The following EFTUD2 variants were observed in gnomAD, a reference collection of about 807,000 sequenced individuals.
EFTUD2 encodes 116 kDa U5 small nuclear ribonucleoprotein component.
In EFTUD2, 9 loss-of-function variants were observed where a neutral mutation model predicts 114.3. The ratio of observed to expected loss-of-function variants is 0.08; its 90% CI spans 0.05 to 0.14. EFTUD2 has a LOEUF of 0.14. Among genes scored for constraint, EFTUD2 ranks in the 10% least tolerant of loss-of-function variants. The pLI is 1.00. For synonymous variants in EFTUD2, 449 were observed against 462.3 expected (o/e 0.97, Z 0.37); for missense variants, 765 against 1,241.2 (o/e 0.62, Z 5.76).
At chr17:44,884,263 T>G (rs2051124871) in intron 4 of EFTUD2, 1 of 151,770 alleles carries the variant, frequency 6.6e-6, no homozygotes, top group Admixed American at 6.6e-5. Context: ...CCTCAGGTGA[T>G]CCACCTGCCC....
At chr17:44,894,175 A>G in intron 2 of EFTUD2, 1 of 422,332 alleles carries the variant, frequency 2.4e-6, no homozygotes, top group South Asian at 2.8e-5. Flanking sequence ...CAGGAGTTCA[A>G]GACCAGCCTG....
intron 1 of EFTUD2, 92 bp from the exon 2 acceptor site, chr17:44,894,617 G>T: frequency 1.1e-6 from 1 of 929,850 alleles, no homozygotes; most frequent in Non-Finnish European, 1.7e-6. Flanking sequence ...TCTTATGGTT[G>T]GCCATACCCC....
At chr17:44,853,173 C>T in intron 25 of EFTUD2, 123 bp downstream of exon 25, 1 of 999,124 alleles carries the variant, frequency 1.0e-6, no homozygotes, top group East Asian at 2.4e-5. Flanking sequence ...GGAAAATCAG[C>T]TCTCGGGGTT....
At chr17:44,863,584 A>T in intron 15 of EFTUD2, 71 bp downstream of exon 15, 1 of 1,562,720 alleles carries the variant, frequency 6.4e-7, no homozygotes, top group Non-Finnish European at 8.7e-7. Flanking sequence ...TACTCCTGTG[A>T]CCAGAAATCA....
chr17:44,854,137 G>T lies in EFTUD2; in HGVS notation c.2347+132C>A. On this transcript the variant is annotated intron_variant, in intron 23 of 27. Coordinates refer to ENST00000426333, the MANE Select transcript of EFTUD2 (RefSeq NM_004247.4). The surrounding 1 kb of genome is among the most constrained non-coding windows in gnomAD (Gnocchi z 4.3). ...AAGGAAAAGGGAAGAAGCTGGCCCA[G>T]GACTTGGGATGGTCCTGTGTACCCC... 7.1e-7 allele frequency: 1 copy of T among 1,413,684 alleles called. No individual in the cohort carries two copies. Among genetic ancestry groups the T allele is most frequent in the Non-Finnish European group, 9.4e-7 (1 of 1,059,374 alleles). The allele number at this position is 1,413,684 out of a possible 1,614,324, so 87.6% of individuals were successfully genotyped here.
At chr17:44,881,587 G>C in intron 7 of EFTUD2, 100 bp downstream of exon 7, 2 of 1,245,556 alleles carry the variant, frequency 1.6e-6, no homozygotes, top group South Asian at 2.4e-5. Context: ...AGTAGGATAT[G>C]AACTAAAATG....
intron 11 of EFTUD2, among the ~76,000 whole-genome samples, chr17:44,870,896 T>C (rs113417212): frequency 4.6e-5 from 7 of 152,044 alleles, no homozygotes; most frequent in Admixed American, 4.6e-4. Flanking sequence ...CATGTACCTG[T>C]AATCCCAGCT....
chr17:44,872,663 T>TC, intron 10 of EFTUD2, 93 bp from the exon 11 acceptor site: 1 of 1,442,230 alleles, frequency 6.9e-7, no homozygotes, highest in Non-Finnish European at 9.2e-7. Flanking sequence ...TCACAGCCAC[T>TC]CTCCAGCCCT....
At chr17:44,868,013 G>A (rs1048921126) in intron 12 of EFTUD2, 116 bp from the exon 13 acceptor site, 6 of 1,060,276 alleles carry the variant, frequency 5.7e-6, no homozygotes, top group South Asian at 1.7e-5. Flanking sequence ...ATGTGTGTGT[G>A]ACTGTAAAGT....
chr17:44,860,183 T>C, intron 17 of EFTUD2, 138 bp from the exon 18 acceptor site: 1 of 1,228,856 alleles, frequency 8.1e-7, no homozygotes, highest in African/African-American at 1.5e-5. Flanking sequence ...TGAGTGGGGG[T>C]AACCTGAAGG....
intron 13 of EFTUD2, among the ~76,000 whole-genome samples, chr17:44,866,790 T>TC (rs2050753433): frequency 6.6e-6 from 1 of 152,188 alleles, no homozygotes; most frequent in Non-Finnish European, 1.5e-5. Flanking sequence ...TCCAGTTTTT[T>TC]CCCTTTTCCT....
At chr17:44,851,649 G>C (rs1415342930) in intron 27 of EFTUD2, 61 bp downstream of exon 27, 1 of 1,441,174 alleles carries the variant, frequency 6.9e-7, no homozygotes, top group South Asian at 1.3e-5. Context: ...AAGAGAGAGA[G>C]ATCCTGCTTC....
chr17:44,880,735 T>C (rs2051058828), intron 7 of EFTUD2, 91 bp from the exon 8 acceptor site: 5 of 918,060 alleles, frequency 5.4e-6, no homozygotes, highest in Non-Finnish European at 7.0e-6. Context: ...TAAATTACAC[T>C]GATGCCTCTC....
In EFTUD2 at chr17:44,851,700, G is replaced by A. The variant is rs1330698627; in HGVS notation, c.2823+10C>T. The A allele has an allele frequency of 6.3e-7, 1 of 1,583,758 alleles. No homozygotes were observed. Among genetic ancestry groups the A allele is most frequent in the East Asian group, 2.3e-5 (1 of 44,300 alleles). ...GTTGAGGGATGGCAACAGGCCCAAG[G>A]GAGACATACCTTCCTACGGCGGGTT... On this transcript the variant is annotated intron_variant, in intron 27 of 27. Transcript: ENST00000426333.
At position 44,886,746 on chromosome 17, in the gene EFTUD2, T is replaced by G; in HGVS notation, c.110A>C (p.Asp37Ala). Residue 37 changes from aspartate (D) to alanine (A), a missense_variant, in exon 3 of 28, where the codon GAT (aspartate) becomes GCT (alanine). Coordinates refer to ENST00000426333, the MANE Select transcript of EFTUD2 (RefSeq NM_004247.4). The stretch of plus-strand genomic sequence containing the variant: ...TACGTCATCGTCGTCGTCATCATCA[T>G]CCATCTGAAAGCAAGAGGGAGAGGG... ...GRETKDLDEM[D>A]DDDDDDDVGD... The G allele has an allele frequency of 2.5e-6, 4 of 1,613,248 alleles. No individual in the cohort carries two copies. Among genetic ancestry groups the G allele is most frequent in the Non-Finnish European group, 2.5e-6 (3 of 1,179,742 alleles).
At chr17:44,861,639 A>G (rs1173452349) in intron 16 of EFTUD2, among the ~76,000 whole-genome samples, 2 of 152,036 alleles carry the variant, frequency 1.3e-5, no homozygotes, top group Admixed American at 6.6e-5. Context: ...AGGCTGAGGC[A>G]GCAGAATGGC....
intron 6 of EFTUD2, among the ~76,000 whole-genome samples, chr17:44,882,444 T>C (rs534851117): frequency 5.4e-5 from 8 of 148,100 alleles, no homozygotes; most frequent in Non-Finnish European, 7.5e-5. Flanking sequence ...TTAGTAGAGA[T>C]AGAGTTTCGC....
intron 8 of EFTUD2, 111 bp from the exon 9 acceptor site, chr17:44,879,749 T>C (rs2051036440): frequency 4.9e-6 from 5 of 1,024,044 alleles, no homozygotes; most frequent in Admixed American, 4.0e-5. Flanking sequence ...GAATATCCCC[T>C]TTCCTCCTCG....
intron 16 of EFTUD2, among the ~76,000 whole-genome samples, chr17:44,861,655 C>T (rs2050662527): frequency 6.6e-6 from 1 of 151,990 alleles, no homozygotes; most frequent in South Asian, 2.1e-4. Context: ...ATGGCATGAA[C>T]CCAGGAGGTG....
Sources: gnomAD v4.1 joint callset for allele counts (sites outside exome capture counted in the v4.1 genomes callset) on GRCh38, gnomAD v4.1.1 for gene constraint, Gnocchi (gnomAD v3.1) non-coding constraint, MANE v1.5 for transcripts, NCBI Gene and HGNC (gene_info 2026-07-23, HGNC 2026-07-21) for gene names.